TMEM260: variants seen among roughly 807,000 people sequenced by gnomAD.
The protein encoded by TMEM260 is transmembrane protein 260.
Under a neutral mutation model 88.9 loss-of-function variants are expected in TMEM260, and 82 were observed. The observed-to-expected ratio is 0.92, with a 90% confidence interval of 0.77 to 1.11. TMEM260 has a LOEUF of 1.11. Ranked by LOEUF, TMEM260 falls within the 50% of genes least tolerant of loss-of-function variation. The pLI is 0.00. For missense variants in TMEM260, 902 were observed against 853.4 expected (o/e 1.06, Z -0.71); for synonymous variants, 314 against 309.3 (o/e 1.02, Z -0.16).
At chr14:56,661,180 G>GCCA in the TMEM260 span, among the ~76,000 whole-genome samples, 1 of 152,142 alleles carries the variant, frequency 6.6e-6, no homozygotes, top group East Asian at 1.9e-4. Context: ...CCAACCCTGG[G>GCCA]CCAGGTACCA....
Position 56,579,843 on chromosome 14 carries a change from C to T in TMEM260, c.-72C>T. The stretch of plus-strand genomic sequence containing the variant: ...CGCCGCACAAGCTGCGCTCGTCTCT[C>T]GGCTGGGGAGCTCCGTGTCGCACCG... On this transcript the variant is annotated 5_prime_UTR_variant, in exon 1 of 16. Coordinates refer to ENST00000261556, the MANE Select transcript of TMEM260 (RefSeq NM_017799.4). The T allele has an allele frequency of 3.3e-6, 4 of 1,217,122 alleles. No homozygotes were observed. The highest frequency in any genetic ancestry group is 4.1e-6 in the Non-Finnish European group (4 of 974,842). The allele number at this position is 1,217,122 out of a possible 1,614,324, so 75.4% of individuals were successfully genotyped here. A position where few individuals can be genotyped will look rare whatever the true frequency, so the allele number is the denominator to read the frequency against.
chr14:56,615,836 C>G, intron 7 of TMEM260, 108 bp from the exon 8 acceptor site: 1 of 719,522 alleles, frequency 1.4e-6, no homozygotes, highest in South Asian at 2.2e-5. Flanking sequence ...CTGACCCCAG[C>G]CCTTGTGATT....
In TMEM260 at chr14:56,645,208, G is replaced by A. The variant is rs534491474; in HGVS notation, c.1870-2035G>A. 5.1e-3 allele frequency among the ~76,000 whole-genome samples: 749 copies of A among 146,588 alleles called. 5 individuals are homozygous for A. Among genetic ancestry groups the A allele is most frequent in the African/African-American group, 0.014 (564 of 40,786 alleles). ...ACACATGCACACATATGTTTATTGCGGCACTATTCACAATAGCAAAGACTT... is the reference window on the plus strand; with the variant it reads ...ACACATGCACACATATGTTTATTGCAGCACTATTCACAATAGCAAAGACTT... On this transcript the variant is annotated intron_variant, in intron 15 of 15. Coordinates refer to ENST00000261556, the MANE Select transcript of TMEM260 (RefSeq NM_017799.4).
Position 56,596,794 on chromosome 14 carries a change from A to AATATAT in TMEM260, c.345-7013_345-7008dup, listed in dbSNP as rs1555334867. ...AAAAAAAAAAAAAATTAAAAAAAAA[A>AATATAT]ATATATATATATACACACACACACC... On this transcript the variant is annotated intron_variant, in intron 3 of 15. Transcript: ENST00000261556. Among the ~76,000 whole-genome samples the AATATAT allele has an allele frequency of 2.6e-3, 353 of 136,288 alleles. 2 individuals are homozygous for AATATAT. Among genetic ancestry groups the AATATAT allele is most frequent in the African/African-American group, 9.5e-3 (342 of 35,906 alleles). The allele number at this position is 136,288 out of a possible 152,430, so 89.4% of individuals were successfully genotyped here.
At chr14:56,595,928 GATAAA>G (rs1331689035) in intron 3 of TMEM260, among the ~76,000 whole-genome samples, 2 of 152,004 alleles carry the variant, frequency 1.3e-5, no homozygotes, top group Non-Finnish European at 2.9e-5. Context: ...GGTACAGAAT[GATAAA>G]ATAATATCCC....
At chr14:56,645,505 A>C (rs1471876166) in intron 15 of TMEM260, among the ~76,000 whole-genome samples, 1 of 146,874 alleles carries the variant, frequency 6.8e-6, no homozygotes, top group Non-Finnish European at 1.5e-5. Flanking sequence ...GGGTGGGGGT[A>C]GGGGGGAGGG....
At chr14:56,611,218 G>A (rs935746125) in intron 6 of TMEM260, among the ~76,000 whole-genome samples, 9 of 151,800 alleles carry the variant, frequency 5.9e-5, no homozygotes, top group Admixed American at 3.9e-4. Flanking sequence ...CGCCCACCTC[G>A]GCCTCCCAAA....
At chr14:56,608,073 CCAT>C (rs1354805371) in intron 5 of TMEM260, among the ~76,000 whole-genome samples, 3 of 152,114 alleles carry the variant, frequency 2.0e-5, no homozygotes, top group Non-Finnish European at 4.4e-5. Flanking sequence ...TCCTTTCATG[CCAT>C]CATTTTTTAT....
At chr14:56,610,301 C>T (rs1390131144) in intron 6 of TMEM260, among the ~76,000 whole-genome samples, 2 of 151,948 alleles carry the variant, frequency 1.3e-5, no homozygotes, top group African/African-American at 4.8e-5. Flanking sequence ...AGTGCAGTGG[C>T]GCGATCTCAG....
chr14:56,620,682 G>T (rs1887860472), intron 10 of TMEM260, among the ~76,000 whole-genome samples: 1 of 152,178 alleles, frequency 6.6e-6, no homozygotes. Context: ...CAAAGGCAGG[G>T]ATAATATTCT....
At chr14:56,643,865 AACAG>A (rs1347889013) in intron 15 of TMEM260, among the ~76,000 whole-genome samples, 4 of 152,056 alleles carry the variant, frequency 2.6e-5, no homozygotes, top group South Asian at 2.1e-4. Context: ...ATACACCAGT[AACAG>A]ACAGAGAGGC....
At chr14:56,612,373 T>C (rs1887337799) in intron 7 of TMEM260, 88 bp downstream of exon 7, 1 of 1,139,888 alleles carries the variant, frequency 8.8e-7, no homozygotes, top group Non-Finnish European at 1.3e-6. Context: ...TTCATCTCTT[T>C]GTAACAAAGT....
chr14:56,587,390 A>G (rs1039225774), intron 3 of TMEM260, among the ~76,000 whole-genome samples: 2 of 151,966 alleles, frequency 1.3e-5, no homozygotes, highest in Non-Finnish European at 2.9e-5. Flanking sequence ...ATACCATTCC[A>G]TATGAGAACT....
chr14:56,661,299 TGA>T, the TMEM260 span, among the ~76,000 whole-genome samples: 1 of 151,998 alleles, frequency 6.6e-6, no homozygotes, highest in East Asian at 1.9e-4. Flanking sequence ...GGATCTGAGG[TGA>T]GAGGCGTGGG....
the TMEM260 span, among the ~76,000 whole-genome samples, chr14:56,661,792 G>C: frequency 2.0e-5 from 3 of 152,008 alleles, no homozygotes; most frequent in Non-Finnish European, 4.4e-5. Context: ...TGAAACTTGA[G>C]TTTGTTGTTT....
At chr14:56,638,329 A>G (rs963712221) in intron 15 of TMEM260, 2 of 150,090 alleles carry the variant, frequency 1.3e-5, no homozygotes, top group African/African-American at 5.0e-5. Flanking sequence ...CTAAAAAAGA[A>G]AAAAAAAAGG....
chr14:56,631,609 C>T (rs969730224), intron 12 of TMEM260, among the ~76,000 whole-genome samples: 52 of 122,788 alleles, frequency 4.2e-4, no homozygotes, highest in African/African-American at 1.6e-3. Context: ...GGCTACAAAG[C>T]AAGACTCTGT....
chr14:56,641,212 GT>G (rs1889568484), intron 15 of TMEM260, among the ~76,000 whole-genome samples: 1 of 149,298 alleles, frequency 6.7e-6, no homozygotes, highest in African/African-American at 2.6e-5. Context: ...ACACATGATT[GT>G]CAGATTCACC....
intron 2 of TMEM260, among the ~76,000 whole-genome samples, 159 bp downstream of exon 2, chr14:56,585,191 A>C (rs1282952401): frequency 6.6e-6 from 1 of 152,140 alleles, no homozygotes; most frequent in Non-Finnish European, 1.5e-5. Context: ...TTAAGTTTTA[A>C]ATCCAATTAA....
Sources: allele counts gnomAD v4.1 joint callset (sites outside exome capture counted in the v4.1 genomes callset), GRCh38; gene constraint gnomAD v4.1.1; transcripts MANE v1.5; gene names NCBI Gene and HGNC (gene_info 2026-07-23, HGNC 2026-07-21).